CMIP: variants seen among roughly 807,000 people sequenced by gnomAD.
CMIP encodes c-Maf inducing protein.
Under a neutral mutation model 97.3 loss-of-function variants are expected in CMIP, and 13 were observed. The observed-to-expected ratio is 0.13, with a 90% confidence interval of 0.09 to 0.21. The LOEUF (loss-of-function observed/expected upper bound fraction) is 0.21, where lower values mean the gene tolerates loss of function less well. Among genes scored for constraint, CMIP ranks in the 10% least tolerant of loss-of-function variants. The pLI is 1.00. For synonymous variants in CMIP, 538 were observed against 436.3 expected (o/e 1.23, Z -2.91); for missense variants, 847 against 1,024.9 (o/e 0.83, Z 2.37).
At position 81,579,769 on chromosome 16, in the gene CMIP, A is replaced by T. The variant is rs1220390680; in HGVS notation, c.301-27798A>T. Among the ~76,000 whole-genome samples the T allele has an allele frequency of 4.6e-5, 7 of 152,314 alleles. No individual in the cohort carries two copies. The South Asian group carries it at 6.2e-4, about 14-fold the overall frequency. The stretch of plus-strand genomic sequence containing the variant: ...GGAGATCGAGACCATCCTGGCTAAC[A>T]TGGTGAAACCCCGTCTCTACTGAAA... On this transcript the variant is annotated intron_variant, in intron 1 of 20. Transcript: ENST00000537098.
chr16:81,613,693 G>C (rs997710266), intron 2 of CMIP, among the ~76,000 whole-genome samples: 6 of 152,218 alleles, frequency 3.9e-5, no homozygotes, highest in Admixed American at 2.6e-4. Context: ...GGGGAAGAGA[G>C]GGAATCAGAG....
rs890226325 is a variant in CMIP at position 81,678,752 on chromosome 16, T to C, written c.1388+124T>C. ...GCCGGGCATGGTAGAGTGGCTTGTG[T>C]GTGAGTGCACACGAGCTGGTGTGTG... is the stretch of plus-strand genomic sequence containing the variant. On this transcript the variant is annotated intron_variant, in intron 10 of 20. Coordinates refer to ENST00000537098, the MANE Select transcript of CMIP (RefSeq NM_198390.3). 11 of 604,284 alleles carry C rather than the reference T, an allele frequency of 1.8e-5. No individual in the cohort carries two copies. In the African/African-American group the frequency reaches 1.9e-4, roughly 10 times the overall value. 37.4% of individuals were successfully genotyped at this position (604,284 alleles called of 1,614,324 possible).
In CMIP at chr16:81,582,902, A is replaced by G. The variant is rs147334732; in HGVS notation, c.301-24665A>G. On this transcript the variant is annotated intron_variant, in intron 1 of 20. Coordinates refer to ENST00000537098, the MANE Select transcript of CMIP (RefSeq NM_198390.3). ...GAGTGCACGGCAGTTGGGGGACACC[A>G]TTCGGGGGCCAGCAGCTCTCCACTG... Among the ~76,000 whole-genome samples, 148 of 152,334 alleles carry G rather than the reference A, an allele frequency of 9.7e-4. 1 individual carries two copies. The highest frequency in any genetic ancestry group is 3.5e-3 in the African/African-American group (147 of 41,570).
intron 1 of CMIP, among the ~76,000 whole-genome samples, chr16:81,531,174 T>C (rs1454631319): frequency 6.6e-6 from 1 of 151,970 alleles, no homozygotes; most frequent in Admixed American, 6.5e-5. Context: ...AGTGACTGTG[T>C]CCGTAAAAGA....
chr16:81,681,273 A>G (rs771462848), intron 10 of CMIP, among the ~76,000 whole-genome samples: 5 of 152,232 alleles, frequency 3.3e-5, no homozygotes, highest in Admixed American at 3.3e-4. Flanking sequence ...CAGGCTGCTT[A>G]AGTTGCTGGC....
chr16:81,676,446 C>T (rs1012515798), intron 9 of CMIP, among the ~76,000 whole-genome samples: 1 of 152,144 alleles, frequency 6.6e-6, no homozygotes, highest in Non-Finnish European at 1.5e-5. Context: ...GCGTGGCTCT[C>T]TTGAAAATCA....
chr16:81,534,315 C>T (rs761143903), intron 1 of CMIP, among the ~76,000 whole-genome samples: 1 of 152,144 alleles, frequency 6.6e-6, no homozygotes, highest in Non-Finnish European at 1.5e-5. Flanking sequence ...GGTTTGTTGA[C>T]TGTTTGCATT....
intron 1 of CMIP, among the ~76,000 whole-genome samples, chr16:81,458,823 C>T (rs1388776767): frequency 6.6e-6 from 1 of 152,138 alleles, no homozygotes; most frequent in Non-Finnish European, 1.5e-5. Flanking sequence ...TAAGAGTAGC[C>T]ACTCCCTAGG....
At chr16:81,634,788 C>G (rs1320841373) in intron 3 of CMIP, among the ~76,000 whole-genome samples, 1 of 152,154 alleles carries the variant, frequency 6.6e-6, no homozygotes, top group Non-Finnish European at 1.5e-5. Context: ...GACTCCCACC[C>G]AGAGGATGCA....
At chr16:81,457,476 G>A (rs11150388) in intron 1 of CMIP, among the ~76,000 whole-genome samples, 86,061 of 151,962 alleles carry the variant, frequency 0.57, 24,861 homozygotes, top group East Asian at 0.75. Context: ...AGTGCGTGTG[G>A]CATAGGTACA....
intron 8 of CMIP, among the ~76,000 whole-genome samples, chr16:81,670,619 TTGG>T (rs779971841): frequency 0.16 from 10,110 of 63,412 alleles, 649 homozygotes; most frequent in African/African-American, 0.31. Flanking sequence ...TGGGTTTTTT[TTGG>T]GGGGGGGGGG....
intron 1 of CMIP, among the ~76,000 whole-genome samples, chr16:81,588,075 C>G (rs1469940823): frequency 6.6e-6 from 1 of 152,144 alleles, no homozygotes; most frequent in East Asian, 1.9e-4. Flanking sequence ...CTGCCTGCCT[C>G]CAAGAGGACC....
chr16:81,508,838 G>T (rs1168551224), intron 1 of CMIP, among the ~76,000 whole-genome samples: 3 of 152,206 alleles, frequency 2.0e-5, no homozygotes, highest in Non-Finnish European at 4.4e-5. Context: ...TGGTGTCTCA[G>T]GGCCCCTTCT....
intron 1 of CMIP, among the ~76,000 whole-genome samples, chr16:81,583,907 G>C (rs2091338288): frequency 6.6e-6 from 1 of 152,148 alleles, no homozygotes; most frequent in Non-Finnish European, 1.5e-5. Flanking sequence ...ACAGTGTTTT[G>C]GGTAGAGAGG....
intron 1 of CMIP, among the ~76,000 whole-genome samples, chr16:81,498,419 C>T (rs2089532678): frequency 6.6e-6 from 1 of 152,174 alleles, no homozygotes; most frequent in Non-Finnish European, 1.5e-5. Context: ...TGGTCTGGGT[C>T]CTCACCTCTG....
chr16:81,702,724 C>T (rs372081856), intron 17 of CMIP, 55 bp downstream of exon 17: 3 of 1,517,842 alleles, frequency 2.0e-6, no homozygotes, highest in South Asian at 2.3e-5. Context: ...TTGGTCCTCT[C>T]TGTTGGGGAA....
chr16:81,580,790 C>G (rs1229031810), intron 1 of CMIP, among the ~76,000 whole-genome samples: 6 of 152,066 alleles, frequency 3.9e-5, no homozygotes, highest in Admixed American at 3.3e-4. Flanking sequence ...GAGCGAGACT[C>G]TGTCTCAAAA....
chr16:81,634,774 C>T (rs961399128), intron 3 of CMIP, among the ~76,000 whole-genome samples: 11 of 152,148 alleles, frequency 7.2e-5, no homozygotes, highest in African/African-American at 2.4e-4. Context: ...TAGTAGGCGC[C>T]GGTGACTCCC....
intron 14 of CMIP, 124 bp downstream of exon 14, chr16:81,696,791 T>TA (rs151182692): frequency 0.096 from 77,796 of 812,656 alleles, 4,271 homozygotes; most frequent in East Asian, 0.17. Flanking sequence ...AACACAGTGC[T>TA]GATCATGAAG....
Sources: allele counts gnomAD v4.1 joint callset (sites outside exome capture counted in the v4.1 genomes callset), GRCh38; gene constraint gnomAD v4.1.1; transcripts MANE v1.5; gene names NCBI Gene and HGNC (gene_info 2026-07-23, HGNC 2026-07-21).